PLXDC2: variants seen among roughly 807,000 people sequenced by gnomAD.
The protein encoded by PLXDC2 is plexin domain containing 2, also known as plexin domain-containing protein 2.
PLXDC2 carries 40 observed loss-of-function variants against 68.9 expected under a neutral mutation model. That is an observed-to-expected ratio of 0.58 (90% CI 0.45 to 0.76). The LOEUF is 0.76. PLXDC2 is among the 30% of genes least tolerant of loss of function. The pLI is 0.00. For synonymous variants in PLXDC2, 243 were observed against 234.2 expected, an observed-to-expected ratio of 1.04 and a Z score of -0.34; for missense variants, 644 against 661.9, an observed-to-expected ratio of 0.97 and a Z score of 0.30.
At chr10:20,207,492 C>A (rs149130814) in intron 9 of PLXDC2, among the ~76,000 whole-genome samples, 1 of 152,046 alleles carries the variant, frequency 6.6e-6, no homozygotes, top group Non-Finnish European at 1.5e-5. Context: ...GAAAACAAAC[C>A]GTGCTTTAAG....
chr10:20,152,061 A>G (rs1278888045), intron 6 of PLXDC2, among the ~76,000 whole-genome samples: 3 of 152,108 alleles, frequency 2.0e-5, no homozygotes, highest in Admixed American at 2.0e-4. Context: ...CATTCAATTT[A>G]TCTTAGTATT....
intron 12 of PLXDC2, among the ~76,000 whole-genome samples, chr10:20,221,115 T>C (rs1459979116): frequency 1.3e-5 from 2 of 151,218 alleles, no homozygotes; most frequent in East Asian, 3.9e-4. Flanking sequence ...AGTGCTGGGA[T>C]TACAAGCGTG....
intron 4 of PLXDC2, among the ~76,000 whole-genome samples, chr10:20,072,424 G>GAGAAAGAA (rs60778723): frequency 0.2 from 25,468 of 130,122 alleles, 3,761 homozygotes; most frequent in East Asian, 0.58. Flanking sequence ...GAAAGAAAGA[G>GAGAAAGAA]AGAAAGAAAG....
chr10:19,816,696 A>G lies in PLXDC2; in HGVS notation c.-384A>G, dbSNP rs1836348401. The stretch of plus-strand genomic sequence containing the variant: ...GGCTGTGGAATTAGATCTGTTTTGA[A>G]CCCAGTGGAGCGCATCGCTGGGGCT... On this transcript the variant is annotated 5_prime_UTR_variant, in exon 1 of 14. Coordinates refer to ENST00000377252, the MANE Select transcript of PLXDC2 (RefSeq NM_032812.9). The G allele has an allele frequency of 3.2e-5, 11 of 340,658 alleles. No homozygotes were observed. The highest frequency in any genetic ancestry group is 3.2e-4 in the South Asian group (10 of 31,538). 21.1% of individuals were successfully genotyped at this position (340,658 alleles called of 1,614,324 possible). A position where few individuals can be genotyped will look rare whatever the true frequency, so the allele number is the denominator to read the frequency against.
At chr10:20,104,026 T>C (rs1028758815) in intron 4 of PLXDC2, among the ~76,000 whole-genome samples, 5 of 152,054 alleles carry the variant, frequency 3.3e-5, no homozygotes, top group Admixed American at 6.5e-5. Context: ...AAGAAAGGAG[T>C]TGGCCTAAGA....
intron 1 of PLXDC2, among the ~76,000 whole-genome samples, chr10:19,970,241 A>G (rs1029060146): frequency 1.3e-5 from 2 of 152,180 alleles, no homozygotes; most frequent in African/African-American, 4.8e-5. Context: ...GTCATGAATG[A>G]CTGATTTATT....
chr10:19,911,715 T>C (rs1833274091), intron 1 of PLXDC2, among the ~76,000 whole-genome samples: 1 of 152,214 alleles, frequency 6.6e-6, no homozygotes, highest in Non-Finnish European at 1.5e-5. Flanking sequence ...CCCAGTACTC[T>C]TGTCTCTAGT....
chr10:20,058,018 G>A (rs928389852), intron 3 of PLXDC2, among the ~76,000 whole-genome samples: 2 of 151,752 alleles, frequency 1.3e-5, no homozygotes, highest in African/African-American at 4.8e-5. Context: ...AAAAAGAGAA[G>A]TTAGCAAAGG....
chr10:20,288,507 A>T lies in PLXDC2; in HGVS notation c.*8688A>T, dbSNP rs1226969398. 11 of 152,184 alleles carry T rather than the reference A, an allele frequency of 7.2e-5. No individual in the cohort carries two copies. Among genetic ancestry groups the T allele is most frequent in the Non-Finnish European group, 8.8e-5 (6 of 68,036 alleles). 9.4% of individuals were successfully genotyped at this position (152,184 alleles called of 1,614,324 possible). ...TCTGCACTAATGGTGTCTGAGAGCA[A>T]AAAGAGTGTGACCTCTATTGGAAAC... On this transcript the variant is annotated 3_prime_UTR_variant, in exon 14 of 14. Transcript: ENST00000377252.
intron 1 of PLXDC2, among the ~76,000 whole-genome samples, chr10:19,988,002 A>C (rs531325281): frequency 6.6e-6 from 1 of 152,330 alleles, no homozygotes; most frequent in South Asian, 2.1e-4. Context: ...TTTAAAATTT[A>C]GACTCTTACC....
intron 1 of PLXDC2, among the ~76,000 whole-genome samples, chr10:19,854,211 T>A (rs753718394): frequency 8.5e-5 from 13 of 152,206 alleles, no homozygotes; most frequent in Non-Finnish European, 1.6e-4. Flanking sequence ...GCAAGTGGCC[T>A]GAGCAGATCG....
intron 1 of PLXDC2, among the ~76,000 whole-genome samples, chr10:19,820,626 G>A (rs1429176545): frequency 7.0e-6 from 1 of 143,816 alleles, no homozygotes; most frequent in Non-Finnish European, 1.5e-5. Flanking sequence ...GGGCGACAGA[G>A]CGAGACTCCG....
At chr10:19,991,152 A>G (rs1014110331) in intron 1 of PLXDC2, among the ~76,000 whole-genome samples, 1 of 151,112 alleles carries the variant, frequency 6.6e-6, no homozygotes, top group Admixed American at 6.6e-5. Flanking sequence ...AGGTTCAGGT[A>G]GGAGAACTGC....
intron 1 of PLXDC2, among the ~76,000 whole-genome samples, chr10:19,899,208 T>A (rs1180192363): frequency 6.6e-6 from 1 of 152,204 alleles, no homozygotes; most frequent in Non-Finnish European, 1.5e-5. Flanking sequence ...TCAGACCAGT[T>A]GTTTATCTGA....
chr10:20,204,525 G>C (rs1834964197), intron 9 of PLXDC2, among the ~76,000 whole-genome samples: 1 of 152,028 alleles, frequency 6.6e-6, no homozygotes, highest in Non-Finnish European at 1.5e-5. Context: ...TTTCCATTAA[G>C]ATAACACATC....
At chr10:19,895,332 C>G (rs73601630) in intron 1 of PLXDC2, among the ~76,000 whole-genome samples, 5,110 of 152,188 alleles carry the variant, frequency 0.034, 283 homozygotes, top group African/African-American at 0.12. Context: ...TTTCCACATT[C>G]TCCAGCAAAA....
intron 9 of PLXDC2, among the ~76,000 whole-genome samples, chr10:20,183,979 T>C (rs1211570099): frequency 2.6e-5 from 4 of 152,074 alleles, no homozygotes; most frequent in African/African-American, 9.6e-5. Context: ...AGCTTGCTCC[T>C]GGTAAAAACA....
intron 9 of PLXDC2, among the ~76,000 whole-genome samples, chr10:20,204,122 G>A (rs1834958918): frequency 6.6e-6 from 1 of 152,108 alleles, no homozygotes; most frequent in Non-Finnish European, 1.5e-5. Flanking sequence ...TAGGGGAGAT[G>A]TGTTTAGAAA....
rs78231945 is a variant in PLXDC2 at position 20,217,347 on chromosome 10, A to T, written c.1123-79A>T. 48 of 1,319,796 alleles carry T rather than the reference A, an allele frequency of 3.6e-5. No homozygotes were observed. The East Asian group carries it at 7.8e-4, about 22-fold the overall frequency. The allele number at this position is 1,319,796 out of a possible 1,614,324, so 81.8% of individuals were successfully genotyped here. ...GATATGAGAGGCTTTTGTGCTTTAC[A>T]GCCCAGCTTCTTTGATGTAAGTTCT... On this transcript the variant is annotated intron_variant, in intron 10 of 13. Coordinates refer to ENST00000377252, the MANE Select transcript of PLXDC2 (RefSeq NM_032812.9).
Sources: allele counts gnomAD v4.1 joint callset (sites outside exome capture counted in the v4.1 genomes callset), GRCh38; gene constraint gnomAD v4.1.1; transcripts MANE v1.5; gene names NCBI Gene and HGNC (gene_info 2026-07-23, HGNC 2026-07-21).